Variants in ABCC3 observed in about 807,000 individuals in gnomAD.
The protein encoded by ABCC3 is ATP binding cassette subfamily C member 3, also known as ATP-binding cassette sub-family C member 3.
Under a neutral mutation model 165.3 loss-of-function variants are expected in ABCC3, and 121 were observed. The observed-to-expected ratio is 0.73, with a 90% confidence interval of 0.63 to 0.85. ABCC3 has a LOEUF of 0.85. Among genes scored for constraint, ABCC3 ranks in the 40% least tolerant of loss-of-function variants. The pLI is 0.00. For synonymous variants in ABCC3, 733 were observed against 810.1 expected, an observed-to-expected ratio of 0.90 and a Z score of 1.62; for missense variants, 1,869 against 1,964.1, an observed-to-expected ratio of 0.95 and a Z score of 0.92.
At position 50,663,851 on chromosome 17, in the gene ABCC3, ACAGGAAGGTCAGCTGGAGCAGGGCC is replaced by A; in HGVS notation, c.1174_1176+22del. 6.2e-7 allele frequency: 1 copy of A among 1,614,152 alleles called. No individual in the cohort carries two copies. The highest frequency in any genetic ancestry group is 8.5e-7 in the Non-Finnish European group (1 of 1,180,026). On this transcript the variant is annotated splice_donor_variant and splice_donor_5th_base_variant and coding_sequence_variant and intron_variant, in exon 9 of 31. Transcript: ENST00000285238. LOFTEE classifies it high-confidence loss of function. The stretch of plus-strand genomic sequence containing the variant: ...CGTACTGGGATCATGGGTGTCATCT[ACAGGAAGGTCAGCTGGAGCAGGGCC>A]CAGGGGAAAGGCTGGCCCTGGGCAG...
chr17:50,664,162 G>A lies in ABCC3; in HGVS notation c.1338+51G>A, dbSNP rs538374110. 8.8e-5 allele frequency: 141 copies of A among 1,605,418 alleles called. 1 individual carries two copies. In the South Asian group the frequency reaches 1.3e-3, roughly 14 times the overall value. On this transcript the variant is annotated intron_variant, in intron 10 of 30. Transcript: ENST00000285238. ...CTCCTTCCTCTGACATGCTGCAGAA[G>A]TGGCAAGAGAGGATTATTCTGGAAC...
At position 50,676,038 on chromosome 17, in the gene ABCC3, G is replaced by C. The variant is rs773586959; in HGVS notation, c.3015G>C (p.Gln1005His). 1.2e-6 allele frequency: 2 copies of C among 1,614,204 alleles called. No individual in the cohort carries two copies. The highest frequency in any genetic ancestry group is 3.3e-5 in the Admixed American group (2 of 60,022). The change falls in exon 22 of 31, where the codon CAG becomes CAC. Residue 1005 changes from glutamine (Q) to histidine (H), a missense_variant. Transcript: ENST00000285238. The part of the protein sequence containing the change: ...WTNDAMADSR[Q>H]NNTSLRLGVY... ...ATGATGCCATGGCAGACAGTAGACA[G>C]AACAACACTTCCCTGAGGCTGGGCG...
At chr17:50,649,846 C>G (rs866622255) in intron 1 of ABCC3, among the ~76,000 whole-genome samples, 1 of 152,056 alleles carries the variant, frequency 6.6e-6, no homozygotes, top group African/African-American at 2.4e-5. Context: ...TAAATGACTT[C>G]GGAGGCATAT....
chr17:50,635,101 G>T (rs2054166308), intron 1 of ABCC3, 120 bp downstream of exon 1: 1 of 1,118,480 alleles, frequency 8.9e-7, no homozygotes, highest in Non-Finnish European at 1.1e-6. Flanking sequence ...CCCTGAGACG[G>T]CCTGGGCGCC....
At chr17:50,672,893 T>A in intron 17 of ABCC3, 78 bp from the exon 18 acceptor site, 11 of 1,302,318 alleles carry the variant, frequency 8.4e-6, no homozygotes, top group African/African-American at 1.5e-5. Flanking sequence ...AAATCTGCCA[T>A]CCCAAATAAC....
intron 1 of ABCC3, chr17:50,635,465 C>T (rs995252067): frequency 6.4e-5 from 45 of 702,308 alleles, no homozygotes; most frequent in South Asian, 6.2e-4. Flanking sequence ...TTTGGGAGGC[C>T]GGCTGTGCAG....
chr17:50,661,065 T>C lies in ABCC3; in HGVS notation c.949T>C (p.Phe317Leu). ...FGSSFLISAC[F>L]KLIQDLLSFI... is the part of the protein sequence containing the mutation. ...CTCCAGCTTCCTCATCAGTGCCTGC[T>C]TCAAGCTTATCCAGGACCTGCTCTC... Residue 317 changes from phenylalanine (F) to leucine (L), a missense_variant, in exon 8 of 31, where the codon TTC becomes CTC. Coordinates refer to ENST00000285238, the MANE Select transcript of ABCC3 (RefSeq NM_003786.4). 1 of 1,614,172 alleles carries C rather than the reference T, an allele frequency of 6.2e-7. No individual in the cohort carries two copies. Among genetic ancestry groups the C allele is most frequent in the Non-Finnish European group, 8.5e-7 (1 of 1,179,996 alleles).
chr17:50,660,900 C>T, intron 7 of ABCC3, 23 bp from the exon 8 acceptor site: 1 of 1,566,604 alleles, frequency 6.4e-7, no homozygotes, highest in Non-Finnish European at 8.6e-7. Context: ...TCCTAACCCA[C>T]TGCTCCTTCC....
intron 30 of ABCC3, among the ~76,000 whole-genome samples, chr17:50,690,354 C>T (rs866620277): frequency 2.8e-5 from 4 of 144,444 alleles, no homozygotes; most frequent in African/African-American, 1.0e-4. Flanking sequence ...GGAGGGGGGG[C>T]GGTGGCCAGG....
Position 50,655,976 on chromosome 17 carries a change from A to G in ABCC3, c.190A>G (p.Ile64Val), listed in dbSNP as rs1967232161. The G allele has an allele frequency of 1.2e-6, 2 of 1,614,046 alleles. No individual in the cohort carries two copies. The highest frequency in any genetic ancestry group is 2.7e-5 in the African/African-American group (2 of 74,990). ...LYLRHHCRGY[I>V]ILSHLSKLKM... ...CCTGCGGCACCATTGTCGTGGCTAC[A>G]TCATCCTCTCCCACCTGTCCAAGCT... The change falls in exon 2 of 31, where the codon ATC (isoleucine) becomes GTC (valine). Residue 64 changes from isoleucine (I) to valine (V), a missense_variant. Transcript: ENST00000285238.
At chr17:50,635,010 G>A (rs574824595) in intron 1 of ABCC3, 29 bp downstream of exon 1, 24 of 1,253,778 alleles carry the variant, frequency 1.9e-5, no homozygotes, top group Non-Finnish European at 2.3e-5. Flanking sequence ...GGGTCACTGC[G>A]CGGGGGCCAG....
chr17:50,635,872 G>A (rs1278435290), intron 1 of ABCC3: 4 of 356,990 alleles, frequency 1.1e-5, no homozygotes, highest in Non-Finnish European at 2.0e-5. Flanking sequence ...GAAAGAGTGA[G>A]ACCCTGTCTC....
At chr17:50,657,956 C>A in intron 4 of ABCC3, 126 bp from the exon 5 acceptor site, 1 of 1,342,644 alleles carries the variant, frequency 7.4e-7, no homozygotes, top group Non-Finnish European at 1.0e-6. Flanking sequence ...TGAGTGGGGA[C>A]CTGGAGGCCC....
chr17:50,636,731 A>G (rs1479271584), intron 1 of ABCC3, among the ~76,000 whole-genome samples: 4 of 152,238 alleles, frequency 2.6e-5, no homozygotes, highest in Admixed American at 1.3e-4. Context: ...GACTCTACAG[A>G]GACAGGTCTC....
chr17:50,664,149 A>G (rs759824652), intron 10 of ABCC3, 38 bp downstream of exon 10: 1 of 1,610,292 alleles, frequency 6.2e-7, no homozygotes, highest in Admixed American at 1.7e-5. Flanking sequence ...CCTTCCTCTG[A>G]CATGCTGCAG....
intron 17 of ABCC3, among the ~76,000 whole-genome samples, chr17:50,671,702 CTTTTTTTTTTTTTTTTTTT>C (rs386386244): frequency 5.3e-5 from 3 of 56,372 alleles, no homozygotes; most frequent in African/African-American, 1.7e-4. Flanking sequence ...TCCTTCCTTC[CTTTTTTTTTTTTTTTTTTT>C]TTTTTTTTTT....
intron 26 of ABCC3, among the ~76,000 whole-genome samples, chr17:50,682,067 T>C (rs867168936): frequency 2.0e-4 from 31 of 152,146 alleles, no homozygotes; most frequent in African/African-American, 7.2e-4. Flanking sequence ...AATCTGTGCC[T>C]GCTGCTCTGC....
chr17:50,675,398 T>C lies in ABCC3; in HGVS notation c.2636T>C (p.Ile879Thr). The C allele has an allele frequency of 1.2e-6, 2 of 1,614,030 alleles. No individual in the cohort carries two copies. Among genetic ancestry groups the C allele is most frequent in the South Asian group, 1.1e-5 (1 of 91,056 alleles). The change falls in exon 20 of 31, where the codon ATT (isoleucine) becomes ACT (threonine). Residue 879 changes from isoleucine (I) to threonine (T), a missense_variant. Physicochemically the swap from Ile to Thr is moderately conservative, Grantham distance 89. Transcript: ENST00000285238. ...GCAGAGGATAAGGAGGCACTGCTGATTGAAGACACACTCAGCAACCACACG... is the reference window on the plus strand; with the variant it reads ...GCAGAGGATAAGGAGGCACTGCTGACTGAAGACACACTCAGCAACCACACG... ...EGAEDKEALL[I>T]EDTLSNHTDL...
intron 1 of ABCC3, 144 bp from the exon 2 acceptor site, chr17:50,655,688 C>T (rs1967224132): frequency 1.5e-6 from 1 of 675,024 alleles, no homozygotes; most frequent in Non-Finnish European, 2.5e-6. Context: ...GACAACTGCT[C>T]ATTTGTGTAC....
Sources: allele counts gnomAD v4.1 joint callset (sites outside exome capture counted in the v4.1 genomes callset), GRCh38; gene constraint gnomAD v4.1.1; transcripts MANE v1.5; gene names NCBI Gene and HGNC (gene_info 2026-07-23, HGNC 2026-07-21).